UGT1A1: variants seen among roughly 807,000 people sequenced by gnomAD.
The protein encoded by UGT1A1 is UDP-glucuronosyltransferase 1A1.
Under a neutral mutation model 40.6 loss-of-function variants are expected in UGT1A1, and 33 were observed. The observed-to-expected ratio is 0.81, with a 90% CI of 0.62 to 1.09. UGT1A1 has a LOEUF of 1.09. UGT1A1 is among the 50% of genes least tolerant of loss of function. The pLI, the probability that UGT1A1 is intolerant of heterozygous loss-of-function variation, is 0.00. For synonymous variants in UGT1A1, 249 were observed against 265.0 expected (o/e 0.94, Z 0.59); for missense variants, 694 against 671.2 (o/e 1.03, Z -0.38).
rs1700557066 is a variant in UGT1A1 at position 233,772,919 on chromosome 2, C to A, written c.*360C>A. On this transcript the variant is annotated 3_prime_UTR_variant, in exon 5 of 5. Coordinates refer to ENST00000305208, the MANE Select transcript of UGT1A1 (RefSeq NM_000463.3). Reference sequence around the variant, plus strand: ...CCACGGCTGCCCCTACTGCAAATGGCAGTTTTAATCTTATCTTTTGGCTTC... The same window carrying A: ...CCACGGCTGCCCCTACTGCAAATGGAAGTTTTAATCTTATCTTTTGGCTTC... 1 of 369,168 alleles carries A rather than the reference C, an allele frequency of 2.7e-6. No homozygotes were observed. Among genetic ancestry groups the A allele is most frequent in the Non-Finnish European group, 4.8e-6 (1 of 207,048 alleles). 22.9% of individuals were successfully genotyped at this position (369,168 alleles called of 1,614,324 possible).
chr2:233,767,812 T>G, intron 2 of UGT1A1, 37 bp from the exon 3 acceptor site: 9 of 1,614,150 alleles, frequency 5.6e-6, no homozygotes, highest in Non-Finnish European at 7.6e-6. Flanking sequence ...TCATATTATG[T>G]TCTTTCTTTA....
In UGT1A1 at chr2:233,760,913, G is replaced by A. The variant is rs747662045; in HGVS notation, c.626G>A (p.Arg209Gln). Residue 209 changes from arginine (R) to glutamine (Q), a missense_variant, in exon 1 of 5, where the codon CGG becomes CAG. Coordinates refer to ENST00000305208, the MANE Select transcript of UGT1A1 (RefSeq NM_000463.3). ...SHSDHMTFLQ[R>Q]VKNMLIAFSQ... Reference sequence around the variant, plus strand: ...TCAGATCACATGACCTTCCTGCAGCGGGTGAAGAACATGCTCATTGCCTTT... The same window carrying A: ...TCAGATCACATGACCTTCCTGCAGCAGGTGAAGAACATGCTCATTGCCTTT... 6.2e-6 allele frequency: 10 copies of A among 1,614,168 alleles called. No individual in the cohort carries two copies. Among genetic ancestry groups the A allele is most frequent in the South Asian group, 4.4e-5 (4 of 91,074 alleles).
At position 233,760,477 on chromosome 2, in the gene UGT1A1, G is replaced by A. The variant is rs775184773; in HGVS notation, c.190G>A (p.Ala64Thr). The A allele has an allele frequency of 3.7e-6, 6 of 1,614,242 alleles. No individual in the cohort carries two copies. The highest frequency in any genetic ancestry group is 2.2e-5 in the South Asian group (2 of 91,082). Residue 64 changes from alanine to threonine, a missense_variant, in exon 1 of 5, where the codon GCC (alanine) becomes ACC (threonine). By Grantham distance (58) the Ala-to-Thr change is moderately conservative. Transcript: ENST00000305208. ...TGAAATAGTTGTCCTAGCACCTGACGCCTCGTTGTACATCAGAGACGGAGC... is the reference window on the plus strand; with the variant it reads ...TGAAATAGTTGTCCTAGCACCTGACACCTCGTTGTACATCAGAGACGGAGC... ...GHEIVVLAPD[A>T]SLYIRDGAFY...
At chr2:233,762,380 T>C (rs1370857903) in intron 1 of UGT1A1, among the ~76,000 whole-genome samples, 1 of 152,256 alleles carries the variant, frequency 6.6e-6, no homozygotes, top group Non-Finnish European at 1.5e-5. Context: ...AATATGTATA[T>C]AGAAACATAT....
intron 2 of UGT1A1, 25 bp downstream of exon 2, chr2:233,767,190 T>G: frequency 6.2e-7 from 1 of 1,613,838 alleles, no homozygotes; most frequent in Non-Finnish European, 8.5e-7. Flanking sequence ...TACCATGGCC[T>G]CATATCTATT....
chr2:233,766,405 C>T (rs545959555), intron 1 of UGT1A1, among the ~76,000 whole-genome samples: 1 of 152,316 alleles, frequency 6.6e-6, no homozygotes, highest in East Asian at 1.9e-4. Flanking sequence ...CGTCCCTCCG[C>T]TGATGTGCTC....
chr2:233,770,570 A>G (rs1700111359), intron 4 of UGT1A1: 2 of 152,086 alleles, frequency 1.3e-5, no homozygotes. Context: ...AGGCAGGAAA[A>G]TCACTTGAAC....
intron 1 of UGT1A1, 63 bp downstream of exon 1, chr2:233,761,214 TTAAC>T (rs747537928): frequency 1.9e-6 from 3 of 1,613,728 alleles, no homozygotes; most frequent in Non-Finnish European, 2.5e-6. Context: ...TTTGGATCGA[TTAAC>T]TAGCCCCAGA....
At chr2:233,766,610 TC>T (rs1292898350) in intron 1 of UGT1A1, among the ~76,000 whole-genome samples, 1 of 152,172 alleles carries the variant, frequency 6.6e-6, no homozygotes, top group Non-Finnish European at 1.5e-5. Context: ...CACACCCTCT[TC>T]TACCCAGCAC....
chr2:233,772,354 T>A lies in UGT1A1; in HGVS notation c.1397T>A (p.Met466Lys). The change falls in exon 5 of 5, where the codon ATG becomes AAG. Residue 466 changes from methionine (M) to lysine (K), a missense_variant. Coordinates refer to ENST00000305208, the MANE Select transcript of UGT1A1 (RefSeq NM_000463.3). Reference sequence around the variant, plus strand: ...GCCGTGTTCTGGGTGGAGTTTGTGATGAGGCACAAGGGCGCGCCACACCTG... The same window carrying A: ...GCCGTGTTCTGGGTGGAGTTTGTGAAGAGGCACAAGGGCGCGCCACACCTG... ...DLAVFWVEFVMRHKGAPHLRP... is the reference protein window; with the variant it reads ...DLAVFWVEFVKRHKGAPHLRP... 1.2e-6 allele frequency: 2 copies of A among 1,614,252 alleles called. No homozygotes were observed. The highest frequency in any genetic ancestry group is 1.7e-6 in the Non-Finnish European group (2 of 1,180,050).
At chr2:233,762,313 T>A (rs1035982374) in intron 1 of UGT1A1, among the ~76,000 whole-genome samples, 5 of 152,234 alleles carry the variant, frequency 3.3e-5, no homozygotes, top group Admixed American at 3.3e-4. Context: ...AGTTAATGGG[T>A]CGAGAGTAAT....
At chr2:233,771,270 C>A (rs1244273988) in intron 4 of UGT1A1, 1 of 150,946 alleles carries the variant, frequency 6.6e-6, no homozygotes, top group African/African-American at 2.4e-5. Context: ...CTTTTTTTTT[C>A]TTTCTTCTCC....
chr2:233,768,242 TATCACCC>T lies in UGT1A1; in HGVS notation c.1110_1116del (p.Ile370MetfsTer18), dbSNP rs1699593680. On this transcript the variant is annotated frameshift_variant, in exon 4 of 5. Transcript: ENST00000305208. LOFTEE classifies it high-confidence loss of function. ...CAGGTCACCCGATGACCCGTGCCTT[TATCACCC>T]ATGCTGGTTCCCATGGTGTTTATGA... 2 of 1,614,112 alleles carry T rather than the reference TATCACCC, an allele frequency of 1.2e-6. No individual in the cohort carries two copies. The highest frequency in any genetic ancestry group is 1.7e-5 in the Admixed American group (1 of 60,004).
chr2:233,769,543 G>A lies in UGT1A1; in HGVS notation c.1304+1104G>A, dbSNP rs750789040. The A allele has an allele frequency of 1.2e-6, 2 of 1,612,968 alleles. No individual in the cohort carries two copies. The highest frequency in any genetic ancestry group is 1.7e-6 in the Non-Finnish European group (2 of 1,179,890). On this transcript the variant is annotated intron_variant, in intron 4 of 4. Transcript: ENST00000305208. The surrounding 1 kb of genome is among the most constrained non-coding windows in gnomAD (Gnocchi z 4.4). The stretch of plus-strand genomic sequence containing the variant: ...TTACCTCCTTTAGAAAGAAGCAGCA[G>A]TCAGGAAGACAGATGTGAAGAGCTG...
At position 233,760,619 on chromosome 2, in the gene UGT1A1, A is replaced by G; in HGVS notation, c.332A>G (p.Lys111Arg). The G allele has an allele frequency of 6.2e-7, 1 of 1,614,198 alleles. No homozygotes were observed. Among genetic ancestry groups the G allele is most frequent in the Non-Finnish European group, 8.5e-7 (1 of 1,180,024 alleles). The change falls in exon 1 of 5, where the codon AAA becomes AGA. Residue 111 changes from lysine to arginine, a missense_variant. Physicochemically the swap from Lys to Arg is conservative, Grantham distance 26. Transcript: ENST00000305208. Reference sequence around the variant, plus strand: ...GATTCTTTCCTGCAGCGTGTGATCAAAACATACAAGAAAATAAAAAAGGAC... The same window carrying G: ...GATTCTTTCCTGCAGCGTGTGATCAGAACATACAAGAAAATAAAAAAGGAC... The part of the protein sequence containing the change: ...ENDSFLQRVI[K>R]TYKKIKKDSA...
At chr2:233,761,529 T>C (rs1208884408) in intron 1 of UGT1A1, among the ~76,000 whole-genome samples, 1 of 152,248 alleles carries the variant, frequency 6.6e-6, no homozygotes, top group Non-Finnish European at 1.5e-5. Flanking sequence ...TCAGGACTGA[T>C]GAAATCATTC....
At position 233,767,045 on chromosome 2, in the gene UGT1A1, CT is replaced by C. The variant is rs756697968; in HGVS notation, c.877del (p.Tyr293ThrfsTer73). On this transcript the variant is annotated frameshift_variant, in exon 2 of 5. Coordinates refer to ENST00000305208, the MANE Select transcript of UGT1A1 (RefSeq NM_000463.3). LOFTEE classifies it high-confidence loss of function. The part of the protein sequence containing the change: ...QNPLSQEFEA[Y>X]INASGEHGIV... The stretch of plus-strand genomic sequence containing the variant: ...TCTTCTGGCTCTAGGAATTTGAAGC[CT>C]ACATTAATGCTTCTGGAGAACATGG... 7.4e-6 allele frequency: 12 copies of C among 1,613,888 alleles called. No homozygotes were observed. The highest frequency in any genetic ancestry group is 9.3e-6 in the Non-Finnish European group (11 of 1,179,996).
chr2:233,766,278 C>CGGGCTCGGTGGCCT (rs201295078), intron 1 of UGT1A1, among the ~76,000 whole-genome samples: 1 of 116,250 alleles, frequency 8.6e-6, no homozygotes, highest in East Asian at 2.1e-4. Flanking sequence ...CTCGGTGGCC[C>CGGGCTCGGTGGCCT]GGGCTCGGTG....
At chr2:233,765,064 G>A (rs1050662538) in intron 1 of UGT1A1, among the ~76,000 whole-genome samples, 2 of 152,202 alleles carry the variant, frequency 1.3e-5, no homozygotes, top group Admixed American at 1.3e-4. Flanking sequence ...CCTGTCAGAG[G>A]TCTCCTGTGT....
Sources: allele counts gnomAD v4.1 joint callset (sites outside exome capture counted in the v4.1 genomes callset), GRCh38; gene constraint gnomAD v4.1.1; non-coding constraint Gnocchi (gnomAD v3.1); transcripts MANE v1.5; gene names NCBI Gene and HGNC (gene_info 2026-07-23, HGNC 2026-07-21).